Variants in SFT2D2 observed in about 807,000 individuals in gnomAD.
SFT2D2 encodes SFT2 domain containing 2, also known as vesicle transport protein SFT2B.
SFT2D2 carries 21 observed loss-of-function variants against 27.4 expected under a neutral mutation model. The observed-to-expected ratio is 0.77, with a 90% CI of 0.54 to 1.10. The LOEUF is 1.10. Among genes scored for constraint, SFT2D2 ranks in the 50% least tolerant of loss-of-function variants. The pLI is 0.00. For missense variants in SFT2D2, 187 were observed against 194.2 expected (o/e 0.96, Z 0.22); for synonymous variants, 72 against 71.7 (o/e 1.00, Z -0.02).
chr1:168,245,241 CAAGT>C lies in SFT2D2; in HGVS notation c.*2702_*2705del, dbSNP rs1015711596. ...TCCATTACTAAGTTACTGAAACCAG[CAAGT>C]GAGTTTCGCAACACAGCAGGATATA... is the stretch of plus-strand genomic sequence containing the variant. On this transcript the variant is annotated 3_prime_UTR_variant, in exon 8 of 8. Coordinates refer to ENST00000271375, the MANE Select transcript of SFT2D2 (RefSeq NM_199344.3). The C allele has an allele frequency of 2.0e-5, 3 of 152,156 alleles. No homozygotes were observed. The highest frequency in any genetic ancestry group is 1.9e-4 in the East Asian group (1 of 5,192). The allele number at this position is 152,156 out of a possible 1,614,324, so 9.4% of individuals were successfully genotyped here. A position where few individuals can be genotyped will look rare whatever the true frequency, so the allele number is the denominator to read the frequency against.
At chr1:168,239,844 T>C (rs1004728351) in intron 7 of SFT2D2, among the ~76,000 whole-genome samples, 22 of 151,948 alleles carry the variant, frequency 1.4e-4, no homozygotes, top group Non-Finnish European at 2.5e-4. Context: ...TTTTTTTTTT[T>C]TTATCATTAC....
intron 4 of SFT2D2, 133 bp downstream of exon 4, chr1:168,235,315 C>A: frequency 1.2e-6 from 1 of 847,330 alleles, no homozygotes; most frequent in South Asian, 1.5e-5. Flanking sequence ...ATTCCTATAA[C>A]CATGTGGCAG....
At chr1:168,226,426 T>C (rs929094383) in intron 1 of SFT2D2, among the ~76,000 whole-genome samples, 16 of 152,090 alleles carry the variant, frequency 1.1e-4, no homozygotes, top group Non-Finnish European at 1.5e-4. Context: ...GGTGGGCGAC[T>C]GGGCTGTCGG....
intron 4 of SFT2D2, among the ~76,000 whole-genome samples, chr1:168,236,311 G>T (rs926714420): frequency 6.6e-6 from 1 of 152,208 alleles, no homozygotes; most frequent in African/African-American, 2.4e-5. Flanking sequence ...ATGGATGGAC[G>T]GATGAATGGG....
intron 6 of SFT2D2, 65 bp from the exon 7 acceptor site, chr1:168,239,066 A>G (rs1647579656): frequency 8.2e-7 from 1 of 1,223,856 alleles, no homozygotes. Flanking sequence ...TCAGAAGCCC[A>G]TTCTGCTGGA....
rs751117327 is a variant in SFT2D2, at chr1:168,231,479, T to C, written c.64-35T>C. 3.3e-6 allele frequency: 5 copies of C among 1,521,542 alleles called. No individual in the cohort carries two copies. The South Asian group carries it at 4.6e-5, about 14-fold the overall frequency. The allele number at this position is 1,521,542 out of a possible 1,614,324, so 94.3% of individuals were successfully genotyped here. On this transcript the variant is annotated intron_variant, in intron 1 of 7. Coordinates refer to ENST00000271375, the MANE Select transcript of SFT2D2 (RefSeq NM_199344.3). ...GTGCTTGCTTTGTTTTTAGTAAATGTGTGTGTATATGTATTTTTTTTTTTT... is the reference window on the plus strand; with the variant it reads ...GTGCTTGCTTTGTTTTTAGTAAATGCGTGTGTATATGTATTTTTTTTTTTT...
chr1:168,252,113 G>A lies in SFT2D2; in HGVS notation c.*9573G>A, dbSNP rs534784916. On this transcript the variant is annotated 3_prime_UTR_variant, in exon 8 of 8. Transcript: ENST00000271375. ...CAGCGAGTAAATGGGGAGTAGCAGA[G>A]CCTTTGTTAATGTAAATTGACAAAA... 1 of 152,292 alleles carries A rather than the reference G, an allele frequency of 6.6e-6. No individual in the cohort carries two copies. The highest frequency in any genetic ancestry group is 2.1e-4 in the South Asian group (1 of 4,820). 9.4% of individuals were successfully genotyped at this position (152,292 alleles called of 1,614,324 possible). A position where few individuals can be genotyped will look rare whatever the true frequency, so the allele number is the denominator to read the frequency against.
intron 3 of SFT2D2, among the ~76,000 whole-genome samples, chr1:168,234,811 G>A (rs943691935): frequency 4.6e-5 from 7 of 152,188 alleles, no homozygotes; most frequent in African/African-American, 1.7e-4. Flanking sequence ...GGTATGATAT[G>A]ATTCTACAGT....
Position 168,247,461 on chromosome 1 carries a change from T to A in SFT2D2, c.*4921T>A, listed in dbSNP as rs1050682330. On this transcript the variant is annotated 3_prime_UTR_variant, in exon 8 of 8. Coordinates refer to ENST00000271375, the MANE Select transcript of SFT2D2 (RefSeq NM_199344.3). ...TCTTGTGTTAGTTTGCTGAGAATGA[T>A]GGTTTCCAGCTTCATCCATGTCCCT... The A allele has an allele frequency of 1.9e-5, 3 of 159,886 alleles. No homozygotes were observed. Among genetic ancestry groups the A allele is most frequent in the Admixed American group, 1.2e-4 (2 of 16,178 alleles). 9.9% of individuals were successfully genotyped at this position (159,886 alleles called of 1,614,324 possible). A position where few individuals can be genotyped will look rare whatever the true frequency, so the allele number is the denominator to read the frequency against.
At position 168,226,068 on chromosome 1, in the gene SFT2D2, G is replaced by A. The variant is rs1055805110; in HGVS notation, c.-12G>A. The A allele has an allele frequency of 2.0e-6, 3 of 1,529,776 alleles. No individual in the cohort carries two copies. The highest frequency in any genetic ancestry group is 2.5e-5 in the South Asian group (2 of 81,154). The allele number at this position is 1,529,776 out of a possible 1,614,324, so 94.8% of individuals were successfully genotyped here. A position where few individuals can be genotyped will look rare whatever the true frequency, so the allele number is the denominator to read the frequency against. ...CCGCTGAGGAGCTGGAGCTGGTGGG[G>A]ACTGGGCCGCAATGGACAAGCTGAA... On this transcript the variant is annotated 5_prime_UTR_variant, in exon 1 of 8. Coordinates refer to ENST00000271375, the MANE Select transcript of SFT2D2 (RefSeq NM_199344.3).
chr1:168,229,646 G>A lies in SFT2D2; in HGVS notation c.64-1868G>A, dbSNP rs995313863. On this transcript the variant is annotated intron_variant, in intron 1 of 7. Transcript: ENST00000271375. ...CTACCACTCTTCTTCCTACGAACAAGCCAGGCCAATCCTACTACCGCTCTT... is the reference window on the plus strand; with the variant it reads ...CTACCACTCTTCTTCCTACGAACAAACCAGGCCAATCCTACTACCGCTCTT... The A allele has an allele frequency of 5.3e-5, 8 of 151,256 alleles. 1 individual carries two copies. The highest frequency in any genetic ancestry group is 2.0e-4 in the African/African-American group (8 of 40,356). 9.4% of individuals were successfully genotyped at this position (151,256 alleles called of 1,614,324 possible). A position where few individuals can be genotyped will look rare whatever the true frequency, so the allele number is the denominator to read the frequency against.
At chr1:168,236,304 G>C (rs1316619703) in intron 4 of SFT2D2, among the ~76,000 whole-genome samples, 3 of 152,212 alleles carry the variant, frequency 2.0e-5, no homozygotes, top group Non-Finnish European at 4.4e-5. Flanking sequence ...TGAAAAGATG[G>C]ATGGACGGAT....
At chr1:168,237,702 A>G (rs1293926518) in intron 6 of SFT2D2, among the ~76,000 whole-genome samples, 1 of 152,192 alleles carries the variant, frequency 6.6e-6, no homozygotes, top group Non-Finnish European at 1.5e-5. Context: ...CTTAACTCCC[A>G]TCCCTCCCTT....
chr1:168,239,214 C>A, intron 7 of SFT2D2, 54 bp downstream of exon 7: 2 of 1,363,834 alleles, frequency 1.5e-6, no homozygotes, highest in Non-Finnish European at 2.1e-6. Context: ...TCAGAGTCTG[C>A]TTTCAGAGAG....
At chr1:168,230,937 C>G (rs1647255095) in intron 1 of SFT2D2, among the ~76,000 whole-genome samples, 1 of 152,206 alleles carries the variant, frequency 6.6e-6, no homozygotes, top group Non-Finnish European at 1.5e-5. Context: ...AATTAATTAA[C>G]CAGGATCTGT....
In SFT2D2 at chr1:168,246,365, C is replaced by T. The variant is rs1162870794; in HGVS notation, c.*3825C>T. ...TTCGTAGTTGACATAATCTTACTTG[C>T]TTTTCTGTGCATTTTTCTACTTTAT... is the stretch of plus-strand genomic sequence containing the variant. On this transcript the variant is annotated 3_prime_UTR_variant, in exon 8 of 8. Transcript: ENST00000271375. 1.9e-6 allele frequency: 1 copy of T among 538,840 alleles called. No individual in the cohort carries two copies. Among genetic ancestry groups the T allele is most frequent in the Admixed American group, 3.6e-5 (1 of 27,672 alleles). The allele number at this position is 538,840 out of a possible 1,614,324, so 33.4% of individuals were successfully genotyped here.
chr1:168,240,968 A>G (rs555786270), intron 7 of SFT2D2, among the ~76,000 whole-genome samples: 7 of 152,268 alleles, frequency 4.6e-5, no homozygotes, highest in African/African-American at 1.7e-4. Flanking sequence ...ATTAAACCCA[A>G]TGTGGACCCT....
chr1:168,242,984 T>A lies in SFT2D2; in HGVS notation c.*444T>A, dbSNP rs971196135. On this transcript the variant is annotated 3_prime_UTR_variant, in exon 8 of 8. Coordinates refer to ENST00000271375, the MANE Select transcript of SFT2D2 (RefSeq NM_199344.3). ...TGGAAGCCATCACCGTGGTCCTGCA[T>A]AGAGTGAGTCTGCTTCTACTCTGGC... 3.8e-5 allele frequency: 8 copies of A among 208,634 alleles called. No homozygotes were observed. Among genetic ancestry groups the A allele is most frequent in the Non-Finnish European group, 7.9e-5 (8 of 101,680 alleles). The allele number at this position is 208,634 out of a possible 1,614,324, so 12.9% of individuals were successfully genotyped here.
In SFT2D2 at chr1:168,244,146, G is replaced by C. The variant is rs575629927; in HGVS notation, c.*1606G>C. The C allele has an allele frequency of 6.6e-6, 1 of 151,178 alleles. No homozygotes were observed. The highest frequency in any genetic ancestry group is 1.5e-5 in the Non-Finnish European group (1 of 68,130). The allele number at this position is 151,178 out of a possible 1,614,324, so 9.4% of individuals were successfully genotyped here. On this transcript the variant is annotated 3_prime_UTR_variant, in exon 8 of 8. Transcript: ENST00000271375. ...GTGGCTAATTGCTGAACCTTTCTTT[G>C]TCCTACTGTGGCTAAGAACTCTGAC...
Sources: gnomAD v4.1 joint callset for allele counts (sites outside exome capture counted in the v4.1 genomes callset) on GRCh38, gnomAD v4.1.1 for gene constraint, MANE v1.5 for transcripts, NCBI Gene and HGNC (gene_info 2026-07-23, HGNC 2026-07-21) for gene names.